The following MYBPC1 variants were observed in gnomAD, a reference collection of about 807,000 sequenced individuals.
MYBPC1 encodes myosin binding protein C1, also known as myosin-binding protein C, slow-type.
MYBPC1 carries 52 observed loss-of-function variants against 147.1 expected under a neutral mutation model. That is an observed-to-expected ratio of 0.35 (90% CI 0.28 to 0.45). The LOEUF (loss-of-function observed/expected upper bound fraction) is 0.45. Among genes scored for constraint, MYBPC1 ranks in the 20% least tolerant of loss-of-function variants. The pLI is 1.00. For missense variants in MYBPC1, 1,228 were observed against 1,440.3 expected (o/e 0.85, Z 2.39); for synonymous variants, 477 against 475.9 (o/e 1.00, Z -0.03).
intron 3 of MYBPC1, among the ~76,000 whole-genome samples, chr12:101,625,492 T>C (rs1364757772): frequency 1.3e-5 from 2 of 152,214 alleles, no homozygotes; most frequent in African/African-American, 2.4e-5. Context: ...ATTTTATTTA[T>C]AAGGGCTCTA....
At chr12:101,642,710 T>G (rs1246848394) in intron 11 of MYBPC1, 125 bp downstream of exon 11, 1 of 1,042,080 alleles carries the variant, frequency 9.6e-7, no homozygotes, top group Non-Finnish European at 1.4e-6. Context: ...TGGGTAGGAG[T>G]GCAGGGGTTA....
At chr12:101,631,474 T>C in intron 6 of MYBPC1, 97 bp from the exon 7 acceptor site, 2 of 1,322,164 alleles carry the variant, frequency 1.5e-6, no homozygotes, top group East Asian at 2.7e-5. Flanking sequence ...AATCACACCA[T>C]ATTCTGTAGT....
At position 101,646,840 on chromosome 12, in the gene MYBPC1, A is replaced by G; in HGVS notation, c.1043A>G (p.Tyr348Cys). 6.2e-7 allele frequency: 1 copy of G among 1,614,082 alleles called. No individual in the cohort carries two copies. Among genetic ancestry groups the G allele is most frequent in the Non-Finnish European group, 8.5e-7 (1 of 1,179,894 alleles). The change falls in exon 13 of 32, where the codon TAT becomes TGT. Residue 348 changes from tyrosine (Y) to cysteine (C), a missense_variant. Physicochemically the swap from Tyr to Cys is radical, Grantham distance 194. This residue lies in a region of MYBPC1 where 1,077 missense variants were observed against 1,314.2 expected (regional missense o/e 0.82). Coordinates refer to ENST00000361466, the MANE Select transcript of MYBPC1 (RefSeq NM_002465.4). ...CAGATGACAGATGATTCAGAGTATT[A>G]TGTGACAGCCGGTGATGAGAAATGT... ...NCQMTDDSEY[Y>C]VTAGDEKCST...
At chr12:101,601,264 C>A (rs568402052) in intron 1 of MYBPC1, among the ~76,000 whole-genome samples, 1 of 152,310 alleles carries the variant, frequency 6.6e-6, no homozygotes, top group Non-Finnish European at 1.5e-5. Context: ...ACAGCCCCCC[C>A]AAAGTCAAAG....
chr12:101,664,077 C>T (rs945783208), intron 22 of MYBPC1, among the ~76,000 whole-genome samples: 1 of 152,034 alleles, frequency 6.6e-6, no homozygotes, highest in African/African-American at 2.4e-5. Context: ...GCATTAAATC[C>T]TCGAGTGTAT....
At chr12:101,638,906 T>C (rs934063512) in intron 10 of MYBPC1, among the ~76,000 whole-genome samples, 1 of 152,196 alleles carries the variant, frequency 6.6e-6, no homozygotes. Flanking sequence ...AATCCACTAA[T>C]ATAACTTTAG....
chr12:101,678,662 G>C (rs1900646455), intron 28 of MYBPC1, among the ~76,000 whole-genome samples: 1 of 152,170 alleles, frequency 6.6e-6, no homozygotes, highest in Admixed American at 6.5e-5. Context: ...GCTTTGATAA[G>C]GGTACAGTGT....
chr12:101,673,967 C>T (rs745385900), intron 25 of MYBPC1, among the ~76,000 whole-genome samples: 4 of 152,036 alleles, frequency 2.6e-5, no homozygotes, highest in South Asian at 2.1e-4. Flanking sequence ...GCAGGAGAAT[C>T]GCTTGAACCT....
At chr12:101,649,472 A>G in intron 15 of MYBPC1, 46 bp downstream of exon 15, 1 of 1,599,358 alleles carries the variant, frequency 6.3e-7, no homozygotes, top group Non-Finnish European at 8.6e-7. Context: ...CTTATTAATG[A>G]TGGTTGTGTT....
chr12:101,678,297 A>G, intron 28 of MYBPC1, 59 bp downstream of exon 28: 2 of 1,598,384 alleles, frequency 1.3e-6, no homozygotes, highest in Non-Finnish European at 1.7e-6. Flanking sequence ...TTGTGTTATA[A>G]TGTAAGTAAC....
At chr12:101,687,150 T>G (rs1399107126), downstream of MYBPC1, among the ~76,000 whole-genome samples, 1 of 152,144 alleles carries the variant, frequency 6.6e-6, no homozygotes, top group East Asian at 1.9e-4. Context: ...CGTATACATG[T>G]GCCATGTTGG....
intron 29 of MYBPC1, among the ~76,000 whole-genome samples, chr12:101,682,340 T>C (rs1289746903): frequency 1.3e-5 from 2 of 152,250 alleles, no homozygotes; most frequent in African/African-American, 2.4e-5. Flanking sequence ...ATACATGATA[T>C]ATTCTTTTTA....
chr12:101,602,672 A>C (rs1046393199), intron 1 of MYBPC1, among the ~76,000 whole-genome samples: 2 of 152,222 alleles, frequency 1.3e-5, no homozygotes, highest in Non-Finnish European at 2.9e-5. Flanking sequence ...GGGATGTAAC[A>C]ACCACTGCTC....
At chr12:101,604,352 T>G (rs1018100102) in intron 1 of MYBPC1, among the ~76,000 whole-genome samples, 1 of 152,108 alleles carries the variant, frequency 6.6e-6, no homozygotes, top group African/African-American at 2.4e-5. Flanking sequence ...GAATAATGAG[T>G]CATTGAATAT....
intron 1 of MYBPC1, among the ~76,000 whole-genome samples, chr12:101,610,833 G>A (rs1884013036): frequency 6.6e-6 from 1 of 152,180 alleles, no homozygotes; most frequent in African/African-American, 2.4e-5. Flanking sequence ...ATAGGTAGCA[G>A]GGAAAGGAAG....
chr12:101,654,359 A>G (rs1895141311), intron 18 of MYBPC1, among the ~76,000 whole-genome samples: 1 of 152,250 alleles, frequency 6.6e-6, no homozygotes, highest in African/African-American at 2.4e-5. Flanking sequence ...AATGGGTTTC[A>G]AGACATTGGA....
the MYBPC1 span, among the ~76,000 whole-genome samples, chr12:101,692,423 A>T: frequency 1.3e-5 from 2 of 152,220 alleles, no homozygotes; most frequent in Non-Finnish European, 2.9e-5. Context: ...GGCATTTTGC[A>T]GTCGTTGGGA....
At chr12:101,613,482 C>T (rs185202993) in intron 1 of MYBPC1, among the ~76,000 whole-genome samples, 37 of 152,204 alleles carry the variant, frequency 2.4e-4, no homozygotes, top group Admixed American at 1.3e-3. Flanking sequence ...ATTTTAGAAG[C>T]GATCACCTTC....
chr12:101,644,938 C>G (rs1892755383), intron 12 of MYBPC1, 142 bp downstream of exon 12: 1 of 860,424 alleles, frequency 1.2e-6, no homozygotes, highest in African/African-American at 1.7e-5. Context: ...ATTTAAGTCA[C>G]ATTTTATTTA....
Sources: gnomAD v4.1 joint callset for allele counts (sites outside exome capture counted in the v4.1 genomes callset) on GRCh38, gnomAD v4.1.1 for gene constraint, gnomAD v4.1.1 regional missense constraint, MANE v1.5 for transcripts, NCBI Gene and HGNC (gene_info 2026-07-23, HGNC 2026-07-21) for gene names.